The following GPATCH2L variants were observed in gnomAD, a reference collection of about 807,000 sequenced individuals.
The protein encoded by GPATCH2L is G patch domain-containing protein 2-like.
GPATCH2L carries 31 observed loss-of-function variants against 57.4 expected under a neutral mutation model. That is an observed-to-expected ratio of 0.54 (90% CI 0.41 to 0.73). The LOEUF is 0.73. Among genes scored for constraint, GPATCH2L ranks in the 30% least tolerant of loss-of-function variants. The probability of loss-of-function intolerance (pLI) is 0.00; values close to 1 mark genes in which losing one functional copy is unlikely to be tolerated. For missense variants in GPATCH2L, 481 were observed against 599.9 expected, an observed-to-expected ratio of 0.80 and a Z score of 2.07; for synonymous variants, 199 against 210.7, an observed-to-expected ratio of 0.94 and a Z score of 0.48.
chr14:76,218,292 G>GT (rs2040498007), downstream of GPATCH2L, among the ~76,000 whole-genome samples: 1 of 152,068 alleles, frequency 6.6e-6, no homozygotes, highest in Non-Finnish European at 1.5e-5. Context: ...ATGATACTGA[G>GT]TTTTTTACTT....
chr14:76,224,298 C>T (rs553525231), intron 1 of GPATCH2L, among the ~76,000 whole-genome samples: 3 of 152,068 alleles, frequency 2.0e-5, no homozygotes, highest in Admixed American at 6.5e-5. Context: ...GAAAATGTTC[C>T]GGAGTTATAT....
chr14:76,198,393 C>T (rs930188514), intron 9 of GPATCH2L, among the ~76,000 whole-genome samples: 1 of 152,164 alleles, frequency 6.6e-6, no homozygotes, highest in Non-Finnish European at 1.5e-5. Flanking sequence ...GACCAAGTAG[C>T]TGTAAAAAAC....
intron 7 of GPATCH2L, chr14:76,179,408 G>A: frequency 6.6e-6 from 1 of 152,244 alleles, no homozygotes; most frequent in East Asian, 1.9e-4. Context: ...AAGGTGGTAT[G>A]TGAGAGACTG....
rs1055836745 is a variant in GPATCH2L, at chr14:76,178,056, T to C, written c.1107+14T>C. On this transcript the variant is annotated intron_variant, in intron 7 of 9. Transcript: ENST00000261530. ...TGTGCACATGAGGTAAGGTTTCCTC[T>C]TTCTTGTTATTTTGATTTTCTTGGA... 1.1e-5 allele frequency: 17 copies of C among 1,582,356 alleles called. No individual in the cohort carries two copies. Among genetic ancestry groups the C allele is most frequent in the Non-Finnish European group, 1.5e-5 (17 of 1,154,012 alleles).
At position 76,176,841 on chromosome 14, in the gene GPATCH2L, C is replaced by T. The variant is rs917334450; in HGVS notation, c.1052+151C>T. 12 of 582,028 alleles carry T rather than the reference C, an allele frequency of 2.1e-5. No homozygotes were observed. The South Asian group carries it at 2.6e-4, about 13-fold the overall frequency. The allele number at this position is 582,028 out of a possible 1,614,324, so 36.1% of individuals were successfully genotyped here. A position where few individuals can be genotyped will look rare whatever the true frequency, so the allele number is the denominator to read the frequency against. ...TGTAACAGTTAAATATGGCAACATC[C>T]TAAACCTGTGGCAGTGATTTTCTTT... is the stretch of plus-strand genomic sequence containing the variant. On this transcript the variant is annotated intron_variant, in intron 6 of 9. Coordinates refer to ENST00000261530, the MANE Select transcript of GPATCH2L (RefSeq NM_017926.4).
chr14:76,163,701 G>A (rs538504068), intron 2 of GPATCH2L, among the ~76,000 whole-genome samples: 1 of 152,212 alleles, frequency 6.6e-6, no homozygotes, highest in African/African-American at 2.4e-5. Flanking sequence ...CACAAAGCGG[G>A]GTCACATGCC....
At position 76,209,153 on chromosome 14, in the gene GPATCH2L, C is replaced by G. The variant is rs1235939921; in HGVS notation, c.*7302C>G. ...TGGAATGCTCCCTTTCCTGACCCTA[C>G]TTTCCTGATTTTTCTGCCACTTCTT... On this transcript the variant is annotated 3_prime_UTR_variant, in exon 10 of 10. Coordinates refer to ENST00000261530, the MANE Select transcript of GPATCH2L (RefSeq NM_017926.4). The G allele has an allele frequency of 6.6e-6, 1 of 152,524 alleles. No homozygotes were observed. The highest frequency in any genetic ancestry group is 1.5e-5 in the Non-Finnish European group (1 of 68,310). 9.4% of individuals were successfully genotyped at this position (152,524 alleles called of 1,614,324 possible).
chr14:76,216,328 C>G (rs2040489687), downstream of GPATCH2L, among the ~76,000 whole-genome samples: 1 of 152,118 alleles, frequency 6.6e-6, no homozygotes, highest in Admixed American at 6.5e-5. Flanking sequence ...TTGCAAAATA[C>G]TGCATGAGGA....
chr14:76,222,871 G>A (rs1295039993), intron 1 of GPATCH2L, among the ~76,000 whole-genome samples: 2 of 150,144 alleles, frequency 1.3e-5, no homozygotes, highest in African/African-American at 2.5e-5. Flanking sequence ...CATGAGAATC[G>A]CTTGAACCTA....
At chr14:76,222,744 G>A (rs2040520605) in intron 1 of GPATCH2L, among the ~76,000 whole-genome samples, 1 of 150,606 alleles carries the variant, frequency 6.6e-6, no homozygotes, top group South Asian at 2.1e-4. Context: ...ATCACTTAAG[G>A]TCAGGAGCTC....
chr14:76,154,350 G>A lies in GPATCH2L; in HGVS notation c.-10-4G>A, dbSNP rs200159061. On this transcript the variant is annotated splice_region_variant and splice_polypyrimidine_tract_variant and intron_variant, in intron 1 of 9. Transcript: ENST00000261530. This position sits in a 1 kb window ranked among gnomAD's most constrained non-coding sequence, Gnocchi z 4.4. ...TCTTTTTTTCCTAAACTTCCTTTTG[G>A]CAGATGTGGCCTCATGGATGAGCTG... 1.2e-4 allele frequency: 183 copies of A among 1,523,412 alleles called. 1 individual carries two copies. In the East Asian group the frequency reaches 4.2e-3, roughly 35 times the overall value. 94.4% of individuals were successfully genotyped at this position (1,523,412 alleles called of 1,614,324 possible).
chr14:76,219,761 A>G (rs906031062), intron 1 of GPATCH2L, among the ~76,000 whole-genome samples: 1 of 152,162 alleles, frequency 6.6e-6, no homozygotes, highest in Non-Finnish European at 1.5e-5. Context: ...AGGAGGTTAT[A>G]CAAGTCGTTC....
intron 3 of GPATCH2L, among the ~76,000 whole-genome samples, chr14:76,171,154 A>G (rs1475888761): frequency 6.6e-6 from 1 of 152,146 alleles, no homozygotes; most frequent in Non-Finnish European, 1.5e-5. Context: ...TGATTTATTT[A>G]AAAGTATAAT....
intron 5 of GPATCH2L, chr14:76,174,740 T>C (rs1427886622): frequency 2.6e-5 from 4 of 152,234 alleles, no homozygotes; most frequent in African/African-American, 9.6e-5. Context: ...GTTCAAGCAA[T>C]TCTCCTGCCT....
In GPATCH2L at chr14:76,152,173, C is replaced by T. The variant is rs566081623; in HGVS notation, c.-11+182C>T. On this transcript the variant is annotated intron_variant, in intron 1 of 9. Transcript: ENST00000261530. ...TGTCCCCATCCCTGGGGATGTGGGTCGGGCCGTCTCCGGGGCCACAGCCCC... is the reference window on the plus strand; with the variant it reads ...TGTCCCCATCCCTGGGGATGTGGGTTGGGCCGTCTCCGGGGCCACAGCCCC... 2.6e-5 allele frequency among the ~76,000 whole-genome samples: 4 copies of T among 152,234 alleles called. No homozygotes were observed. The South Asian group carries it at 8.3e-4, about 32-fold the overall frequency.
intron 8 of GPATCH2L, among the ~76,000 whole-genome samples, chr14:76,191,579 C>G (rs1193734236): frequency 6.6e-6 from 1 of 152,100 alleles, no homozygotes; most frequent in Non-Finnish European, 1.5e-5. Flanking sequence ...TCCTCTTGCT[C>G]TAAGCACCCA....
At chr14:76,176,457 G>T in intron 5 of GPATCH2L, 166 bp from the exon 6 acceptor site, 1 of 609,462 alleles carries the variant, frequency 1.6e-6, no homozygotes, top group South Asian at 2.0e-5. Flanking sequence ...TTTTAAGATG[G>T]ATTCCAATAA....
At chr14:76,166,087 A>T (rs2038822538) in intron 2 of GPATCH2L, among the ~76,000 whole-genome samples, 1 of 152,202 alleles carries the variant, frequency 6.6e-6, no homozygotes, top group Non-Finnish European at 1.5e-5. Context: ...GTTCAAATTA[A>T]GTTTGTTTTT....
At chr14:76,227,370 G>A (rs1431698701) in intron 1 of GPATCH2L, among the ~76,000 whole-genome samples, 1 of 152,190 alleles carries the variant, frequency 6.6e-6, no homozygotes, top group Non-Finnish European at 1.5e-5. Flanking sequence ...GTGTGGAGTG[G>A]AGGAAAGACC....
Sources: gnomAD v4.1 joint callset for allele counts (sites outside exome capture counted in the v4.1 genomes callset) on GRCh38, gnomAD v4.1.1 for gene constraint, Gnocchi (gnomAD v3.1) non-coding constraint, MANE v1.5 for transcripts, NCBI Gene and HGNC (gene_info 2026-07-23, HGNC 2026-07-21) for gene names.